Variants in ASTN2 observed in about 807,000 individuals in gnomAD.
The protein encoded by ASTN2 is astrotactin-2.
ASTN2 carries 54 observed loss-of-function variants against 139.8 expected under a neutral mutation model. The ratio of observed to expected loss-of-function variants is 0.39; its 90% CI spans 0.31 to 0.48. The LOEUF (loss-of-function observed/expected upper bound fraction) is 0.48. ASTN2 is among the 20% of genes least tolerant of loss of function. The probability of loss-of-function intolerance (pLI) is 0.95; values close to 1 mark genes in which losing one functional copy is unlikely to be tolerated. For missense variants in ASTN2, 1,565 were observed against 1,725.1 expected (o/e 0.91, Z 1.64); for synonymous variants, 756 against 719.5 (o/e 1.05, Z -0.81).
At chr9:116,552,380 C>G (rs1325941694) in intron 19 of ASTN2, among the ~76,000 whole-genome samples, 1 of 152,100 alleles carries the variant, frequency 6.6e-6, no homozygotes, top group Non-Finnish European at 1.5e-5. Flanking sequence ...AAACATAGAA[C>G]TATTTATTCC....
At chr9:117,307,801 C>T (rs919426084) in intron 1 of ASTN2, among the ~76,000 whole-genome samples, 1 of 152,188 alleles carries the variant, frequency 6.6e-6, no homozygotes, top group South Asian at 2.1e-4. Context: ...CAGGAAATGT[C>T]CTTCTGAGCC....
chr9:117,286,386 C>G (rs1834451733), intron 2 of ASTN2, among the ~76,000 whole-genome samples: 1 of 141,278 alleles, frequency 7.1e-6, no homozygotes, highest in Non-Finnish European at 1.5e-5. Context: ...GAGTCTCACT[C>G]TGTTGCCCAG....
At chr9:116,556,612 A>G (rs1171509640) in intron 19 of ASTN2, among the ~76,000 whole-genome samples, 1 of 152,160 alleles carries the variant, frequency 6.6e-6, no homozygotes, top group Admixed American at 6.5e-5. Flanking sequence ...TGAAATAGAG[A>G]GAGAGAAAGT....
chr9:116,560,908 A>C (rs10759848), intron 19 of ASTN2, among the ~76,000 whole-genome samples: 135,636 of 152,222 alleles, frequency 0.89, 60,524 homozygotes, highest in Admixed American at 0.93. Context: ...CTACACATCA[A>C]AACTGGTATT....
rs150450818 is a variant in ASTN2 at position 117,253,230 on chromosome 9, T to C, written c.630+38096A>G. Among the ~76,000 whole-genome samples, 3 of 152,262 alleles carry C rather than the reference T, an allele frequency of 2.0e-5. No individual in the cohort carries two copies. The East Asian group carries it at 5.8e-4, about 29-fold the overall frequency. The stretch of plus-strand genomic sequence containing the variant: ...TTCTTCCTCTCCACACCTGGGTCCA[T>C]TTGTTCAAAGGGGCTACAGTGATCT... On this transcript the variant is annotated intron_variant, in intron 2 of 22. Transcript: ENST00000313400.
intron 15 of ASTN2, among the ~76,000 whole-genome samples, chr9:116,727,301 C>T (rs1441294747): frequency 6.6e-6 from 1 of 152,154 alleles, no homozygotes; most frequent in Non-Finnish European, 1.5e-5. Flanking sequence ...AGCAAACACA[C>T]CAACCACAAT....
At chr9:116,474,592 G>C (rs1284609478) in intron 20 of ASTN2, among the ~76,000 whole-genome samples, 2 of 152,134 alleles carry the variant, frequency 1.3e-5, no homozygotes, top group Admixed American at 1.3e-4. Flanking sequence ...GATGGAGATG[G>C]GCATAGGGGG....
intron 19 of ASTN2, among the ~76,000 whole-genome samples, chr9:116,499,353 G>T (rs1849779290): frequency 6.6e-6 from 1 of 152,178 alleles, no homozygotes; most frequent in Non-Finnish European, 1.5e-5. Flanking sequence ...AGGTACTCAT[G>T]ACTCAGTCAA....
At chr9:116,500,033 C>T (rs540586555) in intron 19 of ASTN2, among the ~76,000 whole-genome samples, 1 of 152,160 alleles carries the variant, frequency 6.6e-6, no homozygotes, top group South Asian at 2.1e-4. Context: ...TGCCAGACAC[C>T]ACACCCCAGG....
chr9:116,975,109 CA>C, intron 10 of ASTN2, 98 bp downstream of exon 10: 1 of 1,255,728 alleles, frequency 8.0e-7, no homozygotes. Context: ...ATCAACTAAA[CA>C]GCAAGAACAC....
intron 17 of ASTN2, among the ~76,000 whole-genome samples, chr9:116,627,559 T>C (rs1254407341): frequency 1.3e-5 from 2 of 152,222 alleles, no homozygotes; most frequent in Non-Finnish European, 2.9e-5. Context: ...CACTTTAATA[T>C]ACATTATATC....
At chr9:117,175,386 T>C (rs1040501650) in intron 3 of ASTN2, among the ~76,000 whole-genome samples, 12 of 152,148 alleles carry the variant, frequency 7.9e-5, no homozygotes, top group African/African-American at 2.9e-4. Context: ...AGTCTGTAAA[T>C]TGAATGTAAT....
chr9:116,478,755 G>A, intron 20 of ASTN2, among the ~76,000 whole-genome samples: 1 of 152,028 alleles, frequency 6.6e-6, no homozygotes, highest in East Asian at 1.9e-4. Flanking sequence ...AGCACTTTGG[G>A]AGGCCAAGAC....
intron 10 of ASTN2, 97 bp downstream of exon 10, chr9:116,975,111 G>T: frequency 1.6e-6 from 2 of 1,270,106 alleles, no homozygotes; most frequent in Non-Finnish European, 2.1e-6. Context: ...CAACTAAACA[G>T]CAAGAACACT....
At chr9:117,362,230 T>C (rs951453062) in intron 1 of ASTN2, among the ~76,000 whole-genome samples, 2 of 152,214 alleles carry the variant, frequency 1.3e-5, no homozygotes, top group African/African-American at 4.8e-5. Context: ...TACCTTGGCC[T>C]CCCAAAGTGC....
chr9:117,286,762 G>A (rs529337460), intron 2 of ASTN2, among the ~76,000 whole-genome samples: 1 of 152,284 alleles, frequency 6.6e-6, no homozygotes, highest in South Asian at 2.1e-4. Flanking sequence ...TAACTGACAA[G>A]TTTCCAATTT....
chr9:117,177,861 C>T (rs755305832), intron 3 of ASTN2, among the ~76,000 whole-genome samples: 96 of 152,266 alleles, frequency 6.3e-4, no homozygotes, highest in Non-Finnish European at 1.1e-3. Context: ...GGTGGGGCCC[C>T]TTCAGGAATA....
At chr9:116,870,456 T>G (rs1461935076) in intron 10 of ASTN2, among the ~76,000 whole-genome samples, 2 of 152,220 alleles carry the variant, frequency 1.3e-5, no homozygotes, top group Non-Finnish European at 2.9e-5. Flanking sequence ...GAGTACCTGC[T>G]GCATGCCACA....
At chr9:117,335,229 C>T (rs1828846046) in intron 1 of ASTN2, among the ~76,000 whole-genome samples, 2 of 152,120 alleles carry the variant, frequency 1.3e-5, no homozygotes, top group Non-Finnish European at 2.9e-5. Context: ...CTAAAAGGAC[C>T]TTTCTGCTTT....
Sources: gnomAD v4.1 joint callset for allele counts (sites outside exome capture counted in the v4.1 genomes callset) on GRCh38, gnomAD v4.1.1 for gene constraint, MANE v1.5 for transcripts, NCBI Gene and HGNC (gene_info 2026-07-23, HGNC 2026-07-21) for gene names.